The following PAX5 variants were observed in gnomAD, a reference collection of about 807,000 sequenced individuals.
PAX5 encodes the protein paired box 5.
PAX5 carries 9 observed loss-of-function variants against 43.7 expected under a neutral mutation model. The ratio of observed to expected loss-of-function variants is 0.21; its 90% CI spans 0.12 to 0.36. The LOEUF is 0.36. PAX5 is among the 10% of genes least tolerant of loss of function. The probability of loss-of-function intolerance (pLI) is 1.00; values close to 1 mark genes in which losing one functional copy is unlikely to be tolerated. For missense variants in PAX5, 383 were observed against 532.7 expected (o/e 0.72, Z 2.77); for synonymous variants, 228 against 214.3 (o/e 1.06, Z -0.56).
At chr9:36,899,236 TC>T (rs1828153957) in intron 7 of PAX5, among the ~76,000 whole-genome samples, 1 of 152,112 alleles carries the variant, frequency 6.6e-6, no homozygotes, top group Non-Finnish European at 1.5e-5. Context: ...CCTGGTCCTG[TC>T]CCCCACAGTC....
At chr9:37,001,033 C>A (rs1434075128) in intron 5 of PAX5, among the ~76,000 whole-genome samples, 1 of 152,224 alleles carries the variant, frequency 6.6e-6, no homozygotes, top group Admixed American at 6.5e-5. Context: ...GTCAATACCC[C>A]CAAATGGGCT....
chr9:36,864,831 C>A (rs372646805), intron 8 of PAX5, among the ~76,000 whole-genome samples: 6 of 152,156 alleles, frequency 3.9e-5, no homozygotes, highest in African/African-American at 1.4e-4. Flanking sequence ...GGTGGGCCGG[C>A]GCCGGAGCCG....
intron 7 of PAX5, among the ~76,000 whole-genome samples, chr9:36,920,784 C>T (rs1191051625): frequency 6.9e-6 from 1 of 145,814 alleles, no homozygotes; most frequent in Non-Finnish European, 1.5e-5. Context: ...GATGCTCAAC[C>T]TGTATAGTAT....
chr9:36,899,389 C>T (rs1828166052), intron 7 of PAX5, among the ~76,000 whole-genome samples: 1 of 152,224 alleles, frequency 6.6e-6, no homozygotes, highest in African/African-American at 2.4e-5. Context: ...TTCTGTTTCC[C>T]TGTGGTACCC....
At chr9:36,958,499 G>A (rs2132146160) in intron 6 of PAX5, among the ~76,000 whole-genome samples, 1 of 152,134 alleles carries the variant, frequency 6.6e-6, no homozygotes, top group East Asian at 1.9e-4. Flanking sequence ...TGGGGGAGCA[G>A]AAGGGAAAGG....
At chr9:36,904,201 G>T (rs1457420677) in intron 7 of PAX5, among the ~76,000 whole-genome samples, 1 of 152,172 alleles carries the variant, frequency 6.6e-6, no homozygotes, top group African/African-American at 2.4e-5. Context: ...ACTCCTGCTG[G>T]TGACTCTTGG....
intron 8 of PAX5, 78 bp downstream of exon 8, chr9:36,881,926 G>A (rs1826454198): frequency 9.6e-7 from 1 of 1,037,606 alleles, no homozygotes; most frequent in African/African-American, 1.6e-5. Flanking sequence ...AGGTCACCCA[G>A]GCTGTTTGGG....
chr9:36,891,678 G>A (rs1333361749), intron 7 of PAX5, among the ~76,000 whole-genome samples: 1 of 152,244 alleles, frequency 6.6e-6, no homozygotes, highest in Non-Finnish European at 1.5e-5. Context: ...GGATCTGGCA[G>A]GCTCCTAATG....
At chr9:37,003,741 G>A (rs1838146280) in intron 4 of PAX5, among the ~76,000 whole-genome samples, 1 of 152,208 alleles carries the variant, frequency 6.6e-6, no homozygotes, top group Admixed American at 6.5e-5. Flanking sequence ...GGAGGCTGAG[G>A]CAAGAGGATC....
At chr9:37,009,815 A>T (rs1437028307) in intron 3 of PAX5, among the ~76,000 whole-genome samples, 1 of 151,844 alleles carries the variant, frequency 6.6e-6, no homozygotes, top group Non-Finnish European at 1.5e-5. Context: ...ATATATGCCT[A>T]CTATGCACCC....
chr9:36,887,656 G>A (rs1827015610), intron 7 of PAX5, among the ~76,000 whole-genome samples: 1 of 152,050 alleles, frequency 6.6e-6, no homozygotes, highest in Non-Finnish European at 1.5e-5. Context: ...ATGAATCAAA[G>A]ACCTAAATGT....
intron 8 of PAX5, among the ~76,000 whole-genome samples, chr9:36,859,134 C>G (rs1431547376): frequency 6.6e-6 from 1 of 152,122 alleles, no homozygotes; most frequent in Non-Finnish European, 1.5e-5. Flanking sequence ...CCCCGAGGAG[C>G]GCGCTCAATT....
Position 36,834,260 on chromosome 9 carries a change from G to A in PAX5, c.*6300C>T. ...TGTTGTGCTGGGTGCTTGGGGCCAG[G>A]GGATGGGCCTGCCTCTTCCTGAGCC... On this transcript the variant is annotated 3_prime_UTR_variant, in exon 10 of 10. Coordinates refer to ENST00000358127, the MANE Select transcript of PAX5 (RefSeq NM_016734.3). The A allele has an allele frequency of 4.3e-6, 1 of 233,354 alleles. No individual in the cohort carries two copies. Among genetic ancestry groups the A allele is most frequent in the Non-Finnish European group, 8.5e-6 (1 of 118,084 alleles). The allele number at this position is 233,354 out of a possible 1,614,324, so 14.5% of individuals were successfully genotyped here. A position where few individuals can be genotyped will look rare whatever the true frequency, so the allele number is the denominator to read the frequency against.
intron 8 of PAX5, among the ~76,000 whole-genome samples, chr9:36,853,629 C>A (rs1221965886): frequency 1.3e-5 from 2 of 152,220 alleles, no homozygotes; most frequent in Non-Finnish European, 2.9e-5. Context: ...AAATTTCAGA[C>A]AAATGGTGGG....
intron 6 of PAX5, 21 bp downstream of exon 6, chr9:36,966,528 G>A (rs755394293): frequency 6.2e-7 from 1 of 1,604,752 alleles, no homozygotes; most frequent in South Asian, 1.1e-5. Context: ...AGGTGTGGTG[G>A]GCGTGCATCA....
intron 7 of PAX5, among the ~76,000 whole-genome samples, chr9:36,915,737 G>C (rs1829683515): frequency 6.8e-6 from 1 of 147,752 alleles, no homozygotes; most frequent in Non-Finnish European, 1.5e-5. Flanking sequence ...TTTGTATTCA[G>C]AATATAGTTT....
chr9:36,960,258 T>A (rs1833846809), intron 6 of PAX5, among the ~76,000 whole-genome samples: 1 of 152,138 alleles, frequency 6.6e-6, no homozygotes, highest in African/African-American at 2.4e-5. Flanking sequence ...AAGTAATAAC[T>A]GTAGTACCTG....
At chr9:37,001,047 G>T (rs1837805927) in intron 5 of PAX5, among the ~76,000 whole-genome samples, 1 of 152,214 alleles carries the variant, frequency 6.6e-6, no homozygotes, top group South Asian at 2.1e-4. Context: ...ATGGGCTGCA[G>T]TCCTCCTCCG....
Position 36,923,431 on chromosome 9 carries a change from C to T in PAX5, c.834G>A (p.Lys278=). ...ASLAGGLDDM[K]ANLASPTPAD... The stretch of plus-strand genomic sequence containing the variant: ...CAGGGGTGGGGCTGGCCAGATTGGC[C>T]TTCATGTCGTCCAGCCCACCAGCCA... The change falls in exon 7 of 10, where the codon AAG becomes AAA. Residue 278 remains lysine, a synonymous_variant. Coordinates refer to ENST00000358127, the MANE Select transcript of PAX5 (RefSeq NM_016734.3). 1.9e-6 allele frequency: 3 copies of T among 1,613,020 alleles called. No homozygotes were observed. The highest frequency in any genetic ancestry group is 1.7e-6 in the Non-Finnish European group (2 of 1,179,998).
Sources: allele counts gnomAD v4.1 joint callset (sites outside exome capture counted in the v4.1 genomes callset), GRCh38; gene constraint gnomAD v4.1.1; transcripts MANE v1.5; gene names NCBI Gene and HGNC (gene_info 2026-07-23, HGNC 2026-07-21).